The following LRFN2 variants were observed in gnomAD, a reference collection of about 807,000 sequenced individuals.
The protein encoded by LRFN2 is leucine rich repeat and fibronectin type III domain containing 2, also known as leucine-rich repeat and fibronectin type-III domain-containing protein 2.
LRFN2 carries 18 observed loss-of-function variants against 37.3 expected under a neutral mutation model. The observed-to-expected ratio is 0.48, with a 90% CI of 0.33 to 0.72. The LOEUF is 0.72. LRFN2 is among the 30% of genes least tolerant of loss of function. LRFN2 has a pLI of 0.02. For synonymous variants in LRFN2, 556 were observed against 466.6 expected, an observed-to-expected ratio of 1.19 and a Z score of -2.47; for missense variants, 1,006 against 1,060.7, an observed-to-expected ratio of 0.95 and a Z score of 0.72.
chr6:40,410,565 G>T (rs1396759053), intron 2 of LRFN2, among the ~76,000 whole-genome samples: 2 of 152,162 alleles, frequency 1.3e-5, no homozygotes, highest in East Asian at 1.9e-4. Flanking sequence ...GTTATATGAG[G>T]ATCAGAAGTA....
intron 1 of LRFN2, among the ~76,000 whole-genome samples, chr6:40,512,081 T>C (rs1287323574): frequency 6.6e-6 from 1 of 152,124 alleles, no homozygotes; most frequent in African/African-American, 2.4e-5. Context: ...ATCCAGATCA[T>C]CCCCAACCCT....
chr6:40,541,057 G>A (rs1040864693), intron 1 of LRFN2, among the ~76,000 whole-genome samples: 10 of 152,272 alleles, frequency 6.6e-5, no homozygotes, highest in Middle Eastern at 3.4e-3. Context: ...AACTGCTGTG[G>A]GCACAGAGCC....
chr6:40,579,982 A>G (rs1211543500), intron 1 of LRFN2, among the ~76,000 whole-genome samples: 1 of 152,224 alleles, frequency 6.6e-6, no homozygotes, highest in East Asian at 1.9e-4. Flanking sequence ...GTTTGAAGGA[A>G]GTGAAGGTAG....
At chr6:40,495,848 T>G (rs1765212869) in intron 1 of LRFN2, among the ~76,000 whole-genome samples, 1 of 152,158 alleles carries the variant, frequency 6.6e-6, no homozygotes, top group Admixed American at 6.5e-5. Flanking sequence ...CACCTTCTAG[T>G]GGATGAAGAT....
chr6:40,538,502 G>A (rs1360487246), intron 1 of LRFN2, among the ~76,000 whole-genome samples: 1 of 152,196 alleles, frequency 6.6e-6, no homozygotes, highest in Admixed American at 6.5e-5. Context: ...AGAAATCCTC[G>A]CATCCAAGGC....
At chr6:40,524,752 G>A (rs969921862) in intron 1 of LRFN2, among the ~76,000 whole-genome samples, 2 of 152,194 alleles carry the variant, frequency 1.3e-5, no homozygotes, top group Non-Finnish European at 2.9e-5. Context: ...CCTGAAATCA[G>A]GCCATGACAG....
intron 2 of LRFN2, among the ~76,000 whole-genome samples, chr6:40,406,711 A>T (rs769966371): frequency 2.6e-5 from 4 of 152,220 alleles, no homozygotes; most frequent in Non-Finnish European, 5.9e-5. Context: ...AGCCCAATGC[A>T]ACCCCACAGC....
intron 1 of LRFN2, among the ~76,000 whole-genome samples, chr6:40,455,947 G>A (rs376571992): frequency 2.0e-5 from 3 of 152,176 alleles, no homozygotes; most frequent in African/African-American, 7.2e-5. Flanking sequence ...GAGATTCAAA[G>A]TGGGAGAGAT....
rs893499397 is a variant in LRFN2, at chr6:40,587,213, T to C, written c.-291A>G. 1.3e-5 allele frequency: 2 copies of C among 151,882 alleles called. No individual in the cohort carries two copies. The highest frequency in any genetic ancestry group is 6.6e-5 in the Admixed American group (1 of 15,266). 9.4% of individuals were successfully genotyped at this position (151,882 alleles called of 1,614,324 possible). A position where few individuals can be genotyped will look rare whatever the true frequency, so the allele number is the denominator to read the frequency against. ...TCTTCTCTTCCAGATTAAAGAAAAA[T>C]AATAATAATAATCCCTCCCTAGGAG... On this transcript the variant is annotated 5_prime_UTR_variant, in exon 1 of 3. Coordinates refer to ENST00000338305, the MANE Select transcript of LRFN2 (RefSeq NM_020737.3). This position sits in a 1 kb window ranked among gnomAD's most constrained non-coding sequence, Gnocchi z 4.2.
chr6:40,541,337 C>A (rs1275623343), intron 1 of LRFN2, among the ~76,000 whole-genome samples: 2 of 152,192 alleles, frequency 1.3e-5, no homozygotes, highest in South Asian at 4.1e-4. Flanking sequence ...CATTTTCAGT[C>A]GCCTCACATT....
chr6:40,432,113 G>A lies in LRFN2; in HGVS notation c.1001C>T (p.Ser334Leu). The A allele has an allele frequency of 1.2e-6, 2 of 1,613,926 alleles. No homozygotes were observed. The highest frequency in any genetic ancestry group is 1.1e-5 in the South Asian group (1 of 91,080). ...GCCATTGTCATAGACAGCGGTCCTT[G>A]AGGAGTTCCCTACCAGGCGGTCATC... ...APDDRLVGNS[S>L]RTAVYDNGTL... The change falls in exon 2 of 3, where the codon TCA becomes TTA. Residue 334 changes from serine to leucine, a missense_variant. By Grantham distance (145) the Ser-to-Leu change is moderately radical (BLOSUM62 -2). Coordinates refer to ENST00000338305, the MANE Select transcript of LRFN2 (RefSeq NM_020737.3).
chr6:40,477,176 T>G (rs1764728352), intron 1 of LRFN2, among the ~76,000 whole-genome samples: 1 of 152,228 alleles, frequency 6.6e-6, no homozygotes, highest in African/African-American at 2.4e-5. Flanking sequence ...GGATATTTTT[T>G]AAAAGGCTCT....
chr6:40,395,019 G>A (rs1259085642), intron 2 of LRFN2, among the ~76,000 whole-genome samples: 2 of 149,030 alleles, frequency 1.3e-5, no homozygotes, highest in Non-Finnish European at 3.0e-5. Context: ...CGTGAAAATG[G>A]ACTAATACAC....
At chr6:40,541,526 C>A (rs558696771) in intron 1 of LRFN2, among the ~76,000 whole-genome samples, 2 of 152,126 alleles carry the variant, frequency 1.3e-5, no homozygotes, top group African/African-American at 2.4e-5. Context: ...CAGGACGGGG[C>A]GGGGGTAGAG....
chr6:40,400,570 A>C (rs1458992531), intron 2 of LRFN2, among the ~76,000 whole-genome samples: 2 of 151,294 alleles, frequency 1.3e-5, no homozygotes, highest in African/African-American at 2.4e-5. Context: ...ACAGGCATGC[A>C]CCACCATACC....
At chr6:40,476,851 A>G (rs1046407625) in intron 1 of LRFN2, among the ~76,000 whole-genome samples, 1 of 152,224 alleles carries the variant, frequency 6.6e-6, no homozygotes, top group South Asian at 2.1e-4. Context: ...CTTCTGCCCC[A>G]GTCCGGCTCA....
At chr6:40,425,766 AGGAAGAGCAAGCAGCTT>A (rs2113818642) in intron 2 of LRFN2, among the ~76,000 whole-genome samples, 1 of 152,376 alleles carries the variant, frequency 6.6e-6, no homozygotes, top group South Asian at 2.1e-4. Flanking sequence ...GTGTGTACTC[AGGAAGAGCAAGCAGCTT>A]GGGAGTGCAG....
intron 2 of LRFN2, among the ~76,000 whole-genome samples, chr6:40,405,152 C>G (rs1444089187): frequency 6.6e-6 from 1 of 152,220 alleles, no homozygotes; most frequent in African/African-American, 2.4e-5. Context: ...ACCCAGCTAC[C>G]CATTACACAT....
intron 1 of LRFN2, among the ~76,000 whole-genome samples, chr6:40,501,060 T>A (rs1765370464): frequency 6.6e-6 from 1 of 151,610 alleles, no homozygotes; most frequent in Non-Finnish European, 1.5e-5. Context: ...ATTTTTAACA[T>A]CATGGGTAAA....
Sources: allele counts gnomAD v4.1 joint callset (sites outside exome capture counted in the v4.1 genomes callset), GRCh38; gene constraint gnomAD v4.1.1; non-coding constraint Gnocchi (gnomAD v3.1); transcripts MANE v1.5; gene names NCBI Gene and HGNC (gene_info 2026-07-23, HGNC 2026-07-21).